The following NPSR1 variants were observed in gnomAD, a reference collection of about 807,000 sequenced individuals.
NPSR1 encodes the protein neuropeptide S receptor 1, also known as neuropeptide S receptor.
NPSR1 carries 48 observed loss-of-function variants against 46.9 expected under a neutral mutation model. That is an observed-to-expected ratio of 1.02 (90% CI 0.81 to 1.30). The LOEUF (loss-of-function observed/expected upper bound fraction) is 1.30, where lower values mean the gene tolerates loss of function less well. Ranked by LOEUF, NPSR1 falls within the 50% of genes most tolerant of loss-of-function variation. The pLI is 0.00. For synonymous variants in NPSR1, 176 were observed against 168.1 expected (o/e 1.05, Z -0.36); for missense variants, 450 against 449.5 (o/e 1.00, Z -0.01).
At chr7:34,823,825 A>G (rs1197310667) in intron 4 of NPSR1, among the ~76,000 whole-genome samples, 2 of 152,188 alleles carry the variant, frequency 1.3e-5, no homozygotes, top group Non-Finnish European at 2.9e-5. Context: ...TGCTTTTCCA[A>G]TTGCACTTCC....
intron 2 of NPSR1, chr7:34,758,039 TC>T (rs1319976915): frequency 6.6e-6 from 1 of 152,604 alleles, no homozygotes; most frequent in Admixed American, 6.5e-5. Context: ...CAATCCCAGC[TC>T]CCCTCCATAC....
intron 6 of NPSR1, among the ~76,000 whole-genome samples, chr7:34,836,345 A>G (rs901245810): frequency 3.9e-5 from 6 of 152,194 alleles, no homozygotes; most frequent in African/African-American, 1.4e-4. Flanking sequence ...TAATTATAAT[A>G]CTAAAATCAT....
chr7:34,791,030 TTA>T (rs1272708998), intron 3 of NPSR1, among the ~76,000 whole-genome samples: 1 of 121,708 alleles, frequency 8.2e-6, no homozygotes, highest in African/African-American at 3.5e-5. Context: ...ATGTTATATG[TTA>T]TATATTATAT....
chr7:34,868,006 A>C (rs909139011), intron 8 of NPSR1, among the ~76,000 whole-genome samples: 27 of 152,030 alleles, frequency 1.8e-4, no homozygotes, highest in African/African-American at 6.3e-4. Context: ...CTCCCCAAAA[A>C]CAATGACATT....
intron 3 of NPSR1, among the ~76,000 whole-genome samples, chr7:34,784,124 T>C (rs549813343): frequency 6.6e-6 from 1 of 152,356 alleles, no homozygotes; most frequent in African/African-American, 2.4e-5. Context: ...TCATGTCATC[T>C]GCAAACAGGG....
chr7:34,826,757 G>T (rs898046657), intron 4 of NPSR1, among the ~76,000 whole-genome samples: 2 of 152,078 alleles, frequency 1.3e-5, no homozygotes, highest in Non-Finnish European at 2.9e-5. Context: ...GCCAAGGTCA[G>T]AATATTGCAA....
At chr7:34,876,637 A>G (rs1457123834) in intron 8 of NPSR1, among the ~76,000 whole-genome samples, 1 of 152,188 alleles carries the variant, frequency 6.6e-6, no homozygotes, top group South Asian at 2.1e-4. Flanking sequence ...TAATATTTGT[A>G]TTTAAGTGGG....
At chr7:34,673,816 A>T (rs1562642403) in intron 1 of NPSR1, among the ~76,000 whole-genome samples, 2 of 152,212 alleles carry the variant, frequency 1.3e-5, no homozygotes. Context: ...GTGAATATTT[A>T]AAAAATTTTA....
At chr7:34,768,195 CA>C (rs1291296852) in intron 2 of NPSR1, 1 of 152,040 alleles carries the variant, frequency 6.6e-6, no homozygotes, top group Non-Finnish European at 1.5e-5. Flanking sequence ...TTATCTGAAG[CA>C]ATTAAAGCCA....
At chr7:34,694,480 C>G (rs1466777117) in intron 2 of NPSR1, among the ~76,000 whole-genome samples, 2 of 152,046 alleles carry the variant, frequency 1.3e-5, no homozygotes, top group Non-Finnish European at 2.9e-5. Flanking sequence ...AATATCTCTA[C>G]AAGGACAACT....
intron 8 of NPSR1, among the ~76,000 whole-genome samples, chr7:34,864,496 T>G (rs1180904218): frequency 1.3e-5 from 2 of 151,826 alleles, no homozygotes; most frequent in Non-Finnish European, 2.9e-5. Context: ...ATGATTAAGT[T>G]CAATGATTAA....
intron 2 of NPSR1, among the ~76,000 whole-genome samples, chr7:34,707,317 A>C (rs1330136834): frequency 6.6e-6 from 1 of 152,220 alleles, no homozygotes; most frequent in Non-Finnish European, 1.5e-5. Context: ...GAAGCCAACT[A>C]ATTAAACAAC....
At chr7:34,776,481 G>T (rs1005174733) in intron 2 of NPSR1, among the ~76,000 whole-genome samples, 1 of 151,884 alleles carries the variant, frequency 6.6e-6, no homozygotes, top group African/African-American at 2.4e-5. Context: ...TATAGTTTTT[G>T]TCTTGAAATC....
intron 5 of NPSR1, among the ~76,000 whole-genome samples, chr7:34,830,334 A>G (rs1460403509): frequency 1.1e-4 from 16 of 152,162 alleles, no homozygotes; most frequent in Non-Finnish European, 1.8e-4. Context: ...CATGCTATAT[A>G]TGCTACATTT....
chr7:34,764,381 G>A (rs1186637340), intron 2 of NPSR1, among the ~76,000 whole-genome samples: 2 of 152,194 alleles, frequency 1.3e-5, no homozygotes, highest in African/African-American at 4.8e-5. Context: ...CCAGAGGTCT[G>A]CAAACTCCAG....
chr7:34,839,409 A>C (rs963717575), intron 6 of NPSR1, among the ~76,000 whole-genome samples: 2 of 152,234 alleles, frequency 1.3e-5, no homozygotes, highest in African/African-American at 4.8e-5. Flanking sequence ...AGGTAGAGAA[A>C]GTTCGGTTTA....
chr7:34,834,170 G>C (rs2128759666), intron 5 of NPSR1: 1 of 574,974 alleles, frequency 1.7e-6, no homozygotes, highest in Middle Eastern at 4.6e-4. Context: ...CCAGGTCTTA[G>C]CCTCCTCACT....
intron 2 of NPSR1, among the ~76,000 whole-genome samples, chr7:34,729,868 G>C (rs375987322): frequency 2.0e-5 from 3 of 152,322 alleles, no homozygotes; most frequent in African/African-American, 7.2e-5. Context: ...CGCCTCCCCA[G>C]TTCAAGTGAT....
chr7:34,799,534 C>A (rs947716563), intron 3 of NPSR1, among the ~76,000 whole-genome samples: 18 of 129,294 alleles, frequency 1.4e-4, no homozygotes, highest in Middle Eastern at 4.4e-3. Flanking sequence ...TTTGTCACCA[C>A]CAGGCCTGCC....
Sources: gnomAD v4.1 joint callset for allele counts (sites outside exome capture counted in the v4.1 genomes callset) on GRCh38, gnomAD v4.1.1 for gene constraint, MANE v1.5 for transcripts, NCBI Gene and HGNC (gene_info 2026-07-23, HGNC 2026-07-21) for gene names.